XKR6: variants seen among roughly 807,000 people sequenced by gnomAD.
XKR6 encodes the protein XK related 6.
XKR6 carries 22 observed loss-of-function variants against 56.7 expected under a neutral mutation model. That is an observed-to-expected ratio of 0.39 (90% confidence interval 0.28 to 0.55). The LOEUF is 0.55. Ranked by LOEUF, XKR6 falls within the 20% of genes least tolerant of loss-of-function variation. The probability of loss-of-function intolerance (pLI) is 0.66; values close to 1 mark genes in which losing one functional copy is unlikely to be tolerated. For synonymous variants in XKR6, 524 were observed against 387.8 expected (o/e 1.35, Z -4.13); for missense variants, 852 against 889.0 (o/e 0.96, Z 0.53).
chr8:11,027,870 T>A (rs540898210), intron 1 of XKR6, among the ~76,000 whole-genome samples: 4 of 152,272 alleles, frequency 2.6e-5, no homozygotes, highest in African/African-American at 9.6e-5. Flanking sequence ...CCTTTGAGGC[T>A]GGGCTAGAAG....
At chr8:10,952,305 C>A (rs142846649) in intron 1 of XKR6, among the ~76,000 whole-genome samples, 1 of 152,192 alleles carries the variant, frequency 6.6e-6, no homozygotes, top group Non-Finnish European at 1.5e-5. Context: ...GGCCCACTTA[C>A]CACCCACATC....
intron 2 of XKR6, among the ~76,000 whole-genome samples, chr8:10,907,125 G>T (rs1211105231): frequency 6.6e-6 from 1 of 152,156 alleles, no homozygotes; most frequent in Non-Finnish European, 1.5e-5. Flanking sequence ...TAGCCCTCAG[G>T]ACTGACAAAT....
chr8:11,093,307 G>A (rs1372925757), intron 1 of XKR6, among the ~76,000 whole-genome samples: 5 of 152,096 alleles, frequency 3.3e-5, no homozygotes, highest in African/African-American at 9.7e-5. Context: ...CGCCCACCTC[G>A]GCCTCCCAAA....
chr8:11,092,377 CATTTT>C (rs1199097580), intron 1 of XKR6, among the ~76,000 whole-genome samples: 3 of 152,164 alleles, frequency 2.0e-5, no homozygotes, highest in Non-Finnish European at 4.4e-5. Flanking sequence ...TTATTTTACT[CATTTT>C]AGTTTTAGAA....
At chr8:11,096,677 C>T (rs7840068) in intron 1 of XKR6, among the ~76,000 whole-genome samples, 36,966 of 152,200 alleles carry the variant, frequency 0.24, 6,470 homozygotes, top group African/African-American at 0.5. Context: ...CCCATGAGGT[C>T]CACTTTGCCC....
chr8:11,037,949 C>A (rs567058022), intron 1 of XKR6, among the ~76,000 whole-genome samples: 1 of 151,196 alleles, frequency 6.6e-6, no homozygotes, highest in Non-Finnish European at 1.5e-5. Context: ...ATTGCTTGAA[C>A]CCAGGAGGCA....
chr8:11,201,163 G>A lies in XKR6; in HGVS notation c.177C>T (p.Cys59=), dbSNP rs1252130682. ...CCCAGTAGCACGAGGAGGTGTTGCA[G>A]CAGTGGCAGATGTGCATCGAGCTGC... ...GESSSMHICH[C]CNTSSCYWGC... is the part of the protein sequence containing the mutation. Residue 59 remains cysteine, a synonymous_variant, in exon 1 of 3, where the codon TGC becomes TGT. Transcript: ENST00000416569. 8 of 1,524,934 alleles carry A rather than the reference G, an allele frequency of 5.2e-6. No individual in the cohort carries two copies. The Admixed American group carries it at 6.0e-5, about 11-fold the overall frequency. The allele number at this position is 1,524,934 out of a possible 1,614,324, so 94.5% of individuals were successfully genotyped here.
chr8:11,117,702 A>G (rs1305381056), intron 1 of XKR6, among the ~76,000 whole-genome samples: 2 of 152,250 alleles, frequency 1.3e-5, no homozygotes, highest in Non-Finnish European at 2.9e-5. Context: ...GAGCCAAAAA[A>G]GAACACAACT....
chr8:11,047,086 T>C (rs1224318351), intron 1 of XKR6, among the ~76,000 whole-genome samples: 13 of 152,186 alleles, frequency 8.5e-5, no homozygotes, highest in Admixed American at 8.5e-4. Context: ...CACAGCATGG[T>C]GACTATAGTT....
intron 1 of XKR6, among the ~76,000 whole-genome samples, chr8:11,021,135 G>A (rs1798740764): frequency 6.6e-6 from 1 of 152,172 alleles, no homozygotes; most frequent in South Asian, 2.1e-4. Context: ...GCTGTCCTAG[G>A]AAGGAATCTT....
At chr8:11,083,028 T>C (rs1293078711) in intron 1 of XKR6, among the ~76,000 whole-genome samples, 1 of 152,226 alleles carries the variant, frequency 6.6e-6, no homozygotes, top group Non-Finnish European at 1.5e-5. Flanking sequence ...CAGCACTCCG[T>C]GTGCTTTAGA....
At chr8:10,903,535 T>G (rs1800101564) in intron 2 of XKR6, among the ~76,000 whole-genome samples, 2 of 152,072 alleles carry the variant, frequency 1.3e-5, no homozygotes, top group South Asian at 4.1e-4. Context: ...ATGCTGAAGC[T>G]CTAACCCCTA....
At chr8:11,137,642 C>G (rs531491328) in intron 1 of XKR6, 3 of 456,146 alleles carry the variant, frequency 6.6e-6, no homozygotes, top group Non-Finnish European at 1.3e-5. Flanking sequence ...AATGGAAACA[C>G]CATGCCATGG....
intron 1 of XKR6, among the ~76,000 whole-genome samples, chr8:11,040,700 G>C (rs1457720892): frequency 1.3e-5 from 2 of 152,068 alleles, no homozygotes; most frequent in African/African-American, 2.4e-5. Context: ...TCCTCATCAG[G>C]GCACTAACAC....
chr8:11,053,190 A>G (rs1799599154), intron 1 of XKR6, among the ~76,000 whole-genome samples: 1 of 152,214 alleles, frequency 6.6e-6, no homozygotes, highest in South Asian at 2.1e-4. Flanking sequence ...GCCATTGTGG[A>G]GGAATCACTT....
At chr8:10,931,675 GTAA>G (rs957351249) in intron 1 of XKR6, among the ~76,000 whole-genome samples, 4 of 152,098 alleles carry the variant, frequency 2.6e-5, no homozygotes, top group African/African-American at 9.7e-5. Flanking sequence ...AAATGATGTA[GTAA>G]TAATAAGTCA....
chr8:11,136,202 G>C (rs1287368763), intron 1 of XKR6, among the ~76,000 whole-genome samples: 1 of 152,148 alleles, frequency 6.6e-6, no homozygotes, highest in African/African-American at 2.4e-5. Flanking sequence ...CATTACTAGG[G>C]ACTGAATGTT....
At chr8:11,138,429 T>C (rs979108695) in intron 1 of XKR6, 9 of 152,258 alleles carry the variant, frequency 5.9e-5, no homozygotes, top group African/African-American at 2.2e-4. Flanking sequence ...TAGCATACTG[T>C]AGGTACCCAA....
At chr8:11,078,630 C>T (rs369286900) in intron 1 of XKR6, among the ~76,000 whole-genome samples, 14 of 152,272 alleles carry the variant, frequency 9.2e-5, no homozygotes, top group East Asian at 5.8e-4. Context: ...TCCCTTCCTG[C>T]GAGTCTCAAG....
Sources: allele counts gnomAD v4.1 joint callset (sites outside exome capture counted in the v4.1 genomes callset), GRCh38; gene constraint gnomAD v4.1.1; transcripts MANE v1.5; gene names NCBI Gene and HGNC (gene_info 2026-07-23, HGNC 2026-07-21).